TMEM117: variants seen among roughly 807,000 people sequenced by gnomAD.
TMEM117 encodes transmembrane protein 117.
In TMEM117, 27 loss-of-function variants were observed where a neutral mutation model predicts 52.4. That is an observed-to-expected ratio of 0.51 (90% CI 0.38 to 0.71). TMEM117 has a LOEUF of 0.71. Among genes scored for constraint, TMEM117 ranks in the 30% least tolerant of loss-of-function variants. The pLI is 0.00. For missense variants in TMEM117, 556 were observed against 630.5 expected (o/e 0.88, Z 1.26); for synonymous variants, 215 against 206.3 (o/e 1.04, Z -0.36).
intron 6 of TMEM117, among the ~76,000 whole-genome samples, chr12:44,323,299 A>G (rs1262155005): frequency 6.6e-6 from 1 of 152,180 alleles, no homozygotes; most frequent in Non-Finnish European, 1.5e-5. Context: ...GTACTTTGTT[A>G]CAGCAGGAAT....
chr12:44,262,215 TTTGTACACACAC>T (rs1440078593), intron 5 of TMEM117, among the ~76,000 whole-genome samples: 1 of 152,216 alleles, frequency 6.6e-6, no homozygotes, highest in Non-Finnish European at 1.5e-5. Context: ...AATTTTTCCA[TTTGTACACACAC>T]ACTATGCGGT....
intron 2 of TMEM117, among the ~76,000 whole-genome samples, chr12:43,860,571 G>A (rs187619062): frequency 2.3e-4 from 35 of 152,302 alleles, no homozygotes; most frequent in Non-Finnish European, 4.4e-4. Flanking sequence ...AACAACCTAT[G>A]TAGCTTTCTG....
intron 4 of TMEM117, among the ~76,000 whole-genome samples, chr12:44,164,148 A>G (rs1235860946): frequency 6.6e-6 from 1 of 152,190 alleles, no homozygotes; most frequent in East Asian, 1.9e-4. Flanking sequence ...AAAGGGGTTG[A>G]GACATAAGCC....
intron 3 of TMEM117, among the ~76,000 whole-genome samples, chr12:44,064,383 A>C (rs923134546): frequency 2.6e-5 from 4 of 152,198 alleles, no homozygotes; most frequent in African/African-American, 9.7e-5. Flanking sequence ...AGCTCATACT[A>C]ATTTATTACT....
At chr12:43,825,958 A>G in the TMEM117 span, among the ~76,000 whole-genome samples, 2 of 152,178 alleles carry the variant, frequency 1.3e-5, no homozygotes, top group Non-Finnish European at 2.9e-5. Context: ...CCTAATAGAA[A>G]TCTCCACCAT....
At chr12:44,354,917 T>C (rs141670575) in intron 6 of TMEM117, among the ~76,000 whole-genome samples, 30 of 152,222 alleles carry the variant, frequency 2.0e-4, no homozygotes, top group African/African-American at 6.7e-4. Flanking sequence ...TTTTATATCT[T>C]CTAAATTCTT....
the TMEM117 span, chr12:43,797,856 A>G: frequency 1.9e-6 from 3 of 1,606,868 alleles, no homozygotes; most frequent in Non-Finnish European, 1.7e-6. Flanking sequence ...GATTTAATTT[A>G]CAAGTTTAGC....
chr12:44,322,133 G>GA (rs1216830221), intron 6 of TMEM117, among the ~76,000 whole-genome samples: 1 of 152,214 alleles, frequency 6.6e-6, no homozygotes, highest in African/African-American at 2.4e-5. Flanking sequence ...TTATGTCAGA[G>GA]AAGCTATGTT....
chr12:43,796,941 A>G, the TMEM117 span: 3 of 1,596,496 alleles, frequency 1.9e-6, no homozygotes, highest in South Asian at 1.1e-5. Context: ...AGAAAAATTT[A>G]GCAAAAACTG....
intron 4 of TMEM117, among the ~76,000 whole-genome samples, chr12:44,183,184 A>G (rs112222050): frequency 2.0e-5 from 3 of 152,328 alleles, no homozygotes; most frequent in African/African-American, 7.2e-5. Context: ...TTCCATTCAT[A>G]TAGGATAATT....
intron 5 of TMEM117, among the ~76,000 whole-genome samples, chr12:44,233,995 C>T (rs1949963531): frequency 6.6e-6 from 1 of 151,316 alleles, no homozygotes; most frequent in African/African-American, 2.4e-5. Context: ...CCATATATTG[C>T]TAGATTCAAT....
the TMEM117 span, among the ~76,000 whole-genome samples, chr12:43,821,114 G>A: frequency 3.2e-3 from 457 of 141,424 alleles, 2 homozygotes; most frequent in Non-Finnish European, 5.1e-3. Context: ...AAAAAAAAAA[G>A]AAAAAAAAAG....
At chr12:44,300,338 G>GT in intron 6 of TMEM117, among the ~76,000 whole-genome samples, 1 of 152,286 alleles carries the variant, frequency 6.6e-6, no homozygotes. Flanking sequence ...ACTCTTTGGC[G>GT]TTTTAGGACT....
chr12:43,945,646 G>A (rs774557208), intron 3 of TMEM117, among the ~76,000 whole-genome samples: 14 of 152,248 alleles, frequency 9.2e-5, no homozygotes, highest in Non-Finnish European at 1.6e-4. Flanking sequence ...TTTTAAGGCC[G>A]GAATGTAAGG....
chr12:44,143,160 C>T (rs1241577181), intron 3 of TMEM117, among the ~76,000 whole-genome samples: 2 of 152,138 alleles, frequency 1.3e-5, no homozygotes, highest in Non-Finnish European at 2.9e-5. Context: ...CTCTTCTCTC[C>T]TCTTTGAAGT....
At chr12:44,319,156 A>G (rs1456125958) in intron 6 of TMEM117, among the ~76,000 whole-genome samples, 1 of 152,200 alleles carries the variant, frequency 6.6e-6, no homozygotes, top group Non-Finnish European at 1.5e-5. Context: ...GCAATCTCTG[A>G]TCCAAGACTA....
chr12:43,906,692 G>A (rs1043379166), intron 2 of TMEM117, among the ~76,000 whole-genome samples: 3 of 152,244 alleles, frequency 2.0e-5, no homozygotes, highest in Admixed American at 2.0e-4. Flanking sequence ...GGAAGTGCAA[G>A]GGGTCAGGGA....
At chr12:43,928,081 A>C (rs1944810036) in intron 2 of TMEM117, among the ~76,000 whole-genome samples, 1 of 151,770 alleles carries the variant, frequency 6.6e-6, no homozygotes, top group Non-Finnish European at 1.5e-5. Context: ...AATATCTACT[A>C]TTTTAGTGGC....
chr12:43,977,396 G>A (rs868412131), intron 3 of TMEM117, among the ~76,000 whole-genome samples: 2 of 152,082 alleles, frequency 1.3e-5, no homozygotes, highest in African/African-American at 4.8e-5. Context: ...GATGTGTCGT[G>A]CTGGAATCCA....
Sources: allele counts gnomAD v4.1 joint callset (sites outside exome capture counted in the v4.1 genomes callset), GRCh38; gene constraint gnomAD v4.1.1; transcripts MANE v1.5; gene names NCBI Gene and HGNC (gene_info 2026-07-23, HGNC 2026-07-21).